FHIT: variants seen among roughly 807,000 people sequenced by gnomAD.
FHIT encodes bis(5'-adenosyl)-triphosphatase.
A neutral mutation model predicts 17.9 loss-of-function variants in FHIT; 19 were observed. The ratio of observed to expected loss-of-function variants is 1.06; its 90% CI spans 0.74 to 1.56. The LOEUF is 1.56. Ranked by LOEUF, FHIT falls within the 40% of genes most tolerant of loss-of-function variation. The pLI is 0.00. For synonymous variants in FHIT, 81 were observed against 69.7 expected, an observed-to-expected ratio of 1.16 and a Z score of -0.81; for missense variants, 248 against 189.2, an observed-to-expected ratio of 1.31 and a Z score of -1.82.
rs549213363 is a variant in FHIT at position 61,147,632 on chromosome 3, T to G, written c.-164+52985A>C. On this transcript the variant is annotated intron_variant, in intron 2 of 9. Transcript: ENST00000492590. Reference sequence around the variant, plus strand: ...GATAACAAAAAAAATTCGATCAAGATTTATAGAAGACTTATAAATGTATGA... The same window carrying G: ...GATAACAAAAAAAATTCGATCAAGAGTTATAGAAGACTTATAAATGTATGA... Among the ~76,000 whole-genome samples, 128 of 151,090 alleles carry G rather than the reference T, an allele frequency of 8.5e-4. 1 individual carries two copies. Among genetic ancestry groups the G allele is most frequent in the Non-Finnish European group, 1.4e-3 (98 of 67,714 alleles).
intron 8 of FHIT, among the ~76,000 whole-genome samples, chr3:59,766,597 G>A (rs897425919): frequency 5.3e-5 from 8 of 152,164 alleles, no homozygotes; most frequent in Admixed American, 2.0e-4. Context: ...ACAGCAAAAT[G>A]CTTGCCCAGA....
chr3:60,977,151 T>A (rs1275648414), intron 3 of FHIT, among the ~76,000 whole-genome samples: 1 of 152,138 alleles, frequency 6.6e-6, no homozygotes, highest in Non-Finnish European at 1.5e-5. Context: ...GCTTCACAGA[T>A]CATTCATAAT....
At chr3:60,033,981 C>T (rs1026607218) in intron 5 of FHIT, among the ~76,000 whole-genome samples, 2 of 152,104 alleles carry the variant, frequency 1.3e-5, no homozygotes, top group Non-Finnish European at 2.9e-5. Flanking sequence ...GAAAATACAC[C>T]GTCTCGTGAG....
At chr3:60,556,954 G>A (rs1435516585) in intron 4 of FHIT, among the ~76,000 whole-genome samples, 1 of 152,188 alleles carries the variant, frequency 6.6e-6, no homozygotes, top group Non-Finnish European at 1.5e-5. Context: ...TACATATGAT[G>A]CCACCAAGGA....
intron 5 of FHIT, among the ~76,000 whole-genome samples, chr3:60,275,442 T>C (rs1358479012): frequency 6.6e-6 from 1 of 152,186 alleles, no homozygotes; most frequent in Non-Finnish European, 1.5e-5. Context: ...TCTCCTAATT[T>C]ATCCATTTTG....
chr3:60,038,728 T>C lies in FHIT; in HGVS notation c.104-24576A>G, dbSNP rs528121024. On this transcript the variant is annotated intron_variant, in intron 5 of 9. Transcript: ENST00000492590. The stretch of plus-strand genomic sequence containing the variant: ...AAGAATTTATATCAGAATATTCCAA[T>C]AGAGCAGAAGAAAGCAACATGAAAA... 1.6e-4 allele frequency among the ~76,000 whole-genome samples: 24 copies of C among 152,218 alleles called. No individual in the cohort carries two copies. In the South Asian group the frequency reaches 4.8e-3, roughly 30 times the overall value.
At chr3:60,747,256 C>A (rs142936660) in intron 4 of FHIT, among the ~76,000 whole-genome samples, 1 of 152,152 alleles carries the variant, frequency 6.6e-6, no homozygotes, top group Non-Finnish European at 1.5e-5. Context: ...TGCCATTCCT[C>A]GGATCTGTTT....
At chr3:60,925,281 A>T (rs1575699323) in intron 3 of FHIT, among the ~76,000 whole-genome samples, 1 of 152,368 alleles carries the variant, frequency 6.6e-6, no homozygotes, top group East Asian at 1.9e-4. Flanking sequence ...GTTGAAATGA[A>T]GGAAAAAATG....
intron 4 of FHIT, among the ~76,000 whole-genome samples, chr3:60,739,500 C>T (rs782358693): frequency 5.3e-5 from 8 of 152,304 alleles, no homozygotes; most frequent in Admixed American, 2.6e-4. Flanking sequence ...GCACCCCTGT[C>T]GCATGCCCCA....
At chr3:60,537,047 G>T in intron 4 of FHIT, 68 bp from the exon 5 acceptor site, 1 of 1,322,004 alleles carries the variant, frequency 7.6e-7, no homozygotes, top group Non-Finnish European at 1.0e-6. Context: ...CCACCTTAAA[G>T]AAAGCAAATT....
intron 2 of FHIT, among the ~76,000 whole-genome samples, chr3:61,193,323 G>C (rs2038768270): frequency 6.6e-6 from 1 of 152,130 alleles, no homozygotes; most frequent in African/African-American, 2.4e-5. Flanking sequence ...ACTCTAGAGA[G>C]GTGACAGGAC....
chr3:60,614,958 T>C (rs748243028), intron 4 of FHIT, among the ~76,000 whole-genome samples: 64 of 150,800 alleles, frequency 4.2e-4, no homozygotes, highest in Non-Finnish European at 7.8e-4. Flanking sequence ...GTCTCCCGGG[T>C]AGCTGGGACT....
At chr3:60,085,932 T>C (rs937269467) in intron 5 of FHIT, among the ~76,000 whole-genome samples, 16 of 152,298 alleles carry the variant, frequency 1.1e-4, no homozygotes, top group Non-Finnish European at 2.4e-4. Flanking sequence ...TGATCAGTCT[T>C]AGTCCATTTT....
At chr3:60,589,260 G>A (rs535587157) in intron 4 of FHIT, among the ~76,000 whole-genome samples, 1 of 152,208 alleles carries the variant, frequency 6.6e-6, no homozygotes, top group African/African-American at 2.4e-5. Context: ...AGCACGTGGA[G>A]TGAAAAGTGA....
At position 60,048,397 on chromosome 3, in the gene FHIT, C is replaced by T. The variant is rs184858224; in HGVS notation, c.104-34245G>A. On this transcript the variant is annotated intron_variant, in intron 5 of 9. Transcript: ENST00000492590. ...TTCACTATGTTAGCCAGGATGGGCT[C>T]GATCTCCTGACCTCGTGATCCACCT... Among the ~76,000 whole-genome samples, 16 of 151,152 alleles carry T rather than the reference C, an allele frequency of 1.1e-4. No individual in the cohort carries two copies. The East Asian group carries it at 1.7e-3, about 16-fold the overall frequency.
chr3:60,897,150 G>A (rs149502844), intron 3 of FHIT, among the ~76,000 whole-genome samples: 437 of 152,174 alleles, frequency 2.9e-3, no homozygotes, highest in African/African-American at 1.0e-2. Context: ...CTATTTTACA[G>A]CACACTACTG....
intron 6 of FHIT, among the ~76,000 whole-genome samples, chr3:60,012,231 A>G (rs1325139496): frequency 2.0e-5 from 3 of 149,854 alleles, no homozygotes; most frequent in African/African-American, 7.4e-5. Flanking sequence ...TGCAATCAGC[A>G]TTACAAACAA....
intron 4 of FHIT, among the ~76,000 whole-genome samples, chr3:60,791,087 C>A (rs959180252): frequency 5.9e-5 from 9 of 151,998 alleles, no homozygotes; most frequent in South Asian, 4.2e-4. Flanking sequence ...CCTTTGCTGG[C>A]CATTTGGTTT....
intron 5 of FHIT, among the ~76,000 whole-genome samples, chr3:60,219,188 C>G (rs746938484): frequency 6.6e-6 from 1 of 152,062 alleles, no homozygotes; most frequent in African/African-American, 2.4e-5. Flanking sequence ...GTTTTCATTG[C>G]TCCTGAAGAT....
Sources: allele counts gnomAD v4.1 joint callset (sites outside exome capture counted in the v4.1 genomes callset), GRCh38; gene constraint gnomAD v4.1.1; transcripts MANE v1.5; gene names NCBI Gene and HGNC (gene_info 2026-07-23, HGNC 2026-07-21).